TENM2: variants seen among roughly 807,000 people sequenced by gnomAD.
The protein encoded by TENM2 is teneurin-2.
A neutral mutation model predicts 245.2 loss-of-function variants in TENM2; 52 were observed. The observed-to-expected ratio is 0.21, with a 90% CI of 0.17 to 0.27. TENM2 has a LOEUF of 0.27. TENM2 is among the 10% of genes least tolerant of loss of function. The probability of loss-of-function intolerance (pLI) is 1.00; values close to 1 mark genes in which losing one functional copy is unlikely to be tolerated. For missense variants in TENM2, 3,046 were observed against 3,666.8 expected, an observed-to-expected ratio of 0.83 and a Z score of 4.37; for synonymous variants, 1,363 against 1,438.9, an observed-to-expected ratio of 0.95 and a Z score of 1.19.
chr5:167,326,042 G>A (rs1023313131), intron 1 of TENM2, among the ~76,000 whole-genome samples: 3 of 152,110 alleles, frequency 2.0e-5, no homozygotes, highest in Admixed American at 6.5e-5. Context: ...GCATGAAGTG[G>A]GGGAAGAAGC....
At chr5:167,009,953 A>T in the TENM2 span, among the ~76,000 whole-genome samples, 3 of 152,230 alleles carry the variant, frequency 2.0e-5, no homozygotes, top group Non-Finnish European at 4.4e-5. Flanking sequence ...ATATCACTGG[A>T]ATTCATCCCA....
chr5:168,061,403 T>C (rs1581191693), intron 6 of TENM2, among the ~76,000 whole-genome samples: 1 of 152,150 alleles, frequency 6.6e-6, no homozygotes, highest in African/African-American at 2.4e-5. Flanking sequence ...AAAATAGATA[T>C]TTTTGGAATT....
At chr5:167,341,664 A>G (rs1758105191) in intron 1 of TENM2, among the ~76,000 whole-genome samples, 1 of 151,834 alleles carries the variant, frequency 6.6e-6, no homozygotes, top group Non-Finnish European at 1.5e-5. Context: ...ATGAGGCTGT[A>G]GATCTCTTTT....
chr5:167,320,381 GA>G (rs576429905), intron 1 of TENM2, among the ~76,000 whole-genome samples: 168 of 152,300 alleles, frequency 1.1e-3, no homozygotes, highest in African/African-American at 3.5e-3. Context: ...GCTTATTCAG[GA>G]AAGGCCTGAA....
intron 1 of TENM2, among the ~76,000 whole-genome samples, chr5:167,358,543 TTC>T (rs1215946542): frequency 6.6e-6 from 1 of 151,924 alleles, no homozygotes; most frequent in Non-Finnish European, 1.5e-5. Flanking sequence ...CTTTACTGCT[TTC>T]TCTTCTTCAC....
chr5:167,463,750 C>T (rs988051992), intron 2 of TENM2, among the ~76,000 whole-genome samples: 1 of 152,102 alleles, frequency 6.6e-6, no homozygotes, highest in African/African-American at 2.4e-5. Context: ...CCTGCTTCGG[C>T]CCCCCAGACT....
chr5:168,084,974 G>A (rs1424522740), intron 7 of TENM2, among the ~76,000 whole-genome samples: 1 of 152,204 alleles, frequency 6.6e-6, no homozygotes, highest in Non-Finnish European at 1.5e-5. Context: ...TATGCTGGCA[G>A]CTACAACTAG....
At chr5:167,834,663 T>A (rs1485272411) in intron 2 of TENM2, among the ~76,000 whole-genome samples, 1 of 135,200 alleles carries the variant, frequency 7.4e-6, no homozygotes, top group Admixed American at 8.3e-5. Flanking sequence ...TTTTTTTTTC[T>A]TTTTGAGACG....
rs182356999 is a variant in TENM2 at position 167,829,587 on chromosome 5, G to T, written c.503-46399G>T. 7.9e-5 allele frequency among the ~76,000 whole-genome samples: 12 copies of T among 152,116 alleles called. No individual in the cohort carries two copies. In the East Asian group the frequency reaches 2.3e-3, roughly 29 times the overall value. On this transcript the variant is annotated intron_variant, in intron 2 of 28. Transcript: ENST00000518659. Reference sequence around the variant, plus strand: ...CACCTAGTAATGTTAATTATAATAGGTAATATTTATTAGGCAATTATAATG... The same window carrying T: ...CACCTAGTAATGTTAATTATAATAGTTAATATTTATTAGGCAATTATAATG...
At chr5:167,219,351 CA>C in the TENM2 span, among the ~76,000 whole-genome samples, 1 of 96,438 alleles carries the variant, frequency 1.0e-5, no homozygotes, top group Non-Finnish European at 2.0e-5. Flanking sequence ...ACCAACCAAA[CA>C]AAACAAACAA....
At chr5:167,335,852 T>C (rs989971107) in intron 1 of TENM2, among the ~76,000 whole-genome samples, 1 of 152,172 alleles carries the variant, frequency 6.6e-6, no homozygotes, top group Non-Finnish European at 1.5e-5. Context: ...ACCTTATGAA[T>C]AAAAATGCTG....
At position 168,193,596 on chromosome 5, in the gene TENM2, T is replaced by C. The variant is rs569621357; in HGVS notation, c.2781-1580T>C. Reference sequence around the variant, plus strand: ...GGCAGCACTACTCCTGTTATTCCTATGGCACACTGCAAAGCCTTCTGCTAC... The same window carrying C: ...GGCAGCACTACTCCTGTTATTCCTACGGCACACTGCAAAGCCTTCTGCTAC... On this transcript the variant is annotated intron_variant, in intron 14 of 28. Transcript: ENST00000518659. 2.6e-5 allele frequency among the ~76,000 whole-genome samples: 4 copies of C among 152,326 alleles called. No homozygotes were observed. In the East Asian group the frequency reaches 5.8e-4, roughly 22 times the overall value.
chr5:167,974,017 G>GAGGAGGGA lies in TENM2; in HGVS notation c.948-18924_948-18923insAGGGAAGG, dbSNP rs1470297346. On this transcript the variant is annotated intron_variant, in intron 4 of 28. Coordinates refer to ENST00000518659, the Ensembl canonical transcript of TENM2. The stretch of plus-strand genomic sequence containing the variant: ...GAAGGGAGAAAGGGAGGGAGGGAGG[G>GAGGAGGGA]AGGGAGGAAGGAAGGAAGGAGAAGG... Among the ~76,000 whole-genome samples, 6 of 75,850 alleles carry GAGGAGGGA rather than the reference G, an allele frequency of 7.9e-5. 1 individual carries two copies. Among genetic ancestry groups the GAGGAGGGA allele is most frequent in the African/African-American group, 5.0e-4 (6 of 11,886 alleles). The allele number at this position is 75,850 out of a possible 152,430, so 49.8% of individuals were successfully genotyped here.
chr5:168,062,193 C>T (rs1790104167), exon 7 of TENM2: 1 of 1,613,790 alleles, frequency 6.2e-7, no homozygotes, highest in South Asian at 1.1e-5. Context: ...TCTTAAAGTT[C>T]AACATCTCCC....
At chr5:167,005,407 A>G in the TENM2 span, among the ~76,000 whole-genome samples, 2 of 152,212 alleles carry the variant, frequency 1.3e-5, 1 homozygote, top group Admixed American at 1.3e-4. Context: ...GTTGACATTT[A>G]GTAATAATGA....
chr5:168,092,361 G>T (rs904195155), intron 8 of TENM2, among the ~76,000 whole-genome samples: 1 of 152,186 alleles, frequency 6.6e-6, no homozygotes, highest in African/African-American at 2.4e-5. Flanking sequence ...CTGTTTTTAT[G>T]AATAAAGTTT....
At chr5:167,071,326 T>C in the TENM2 span, among the ~76,000 whole-genome samples, 8 of 152,214 alleles carry the variant, frequency 5.3e-5, no homozygotes, top group East Asian at 1.5e-3. Context: ...ACAGACTTGA[T>C]TATAAGGACA....
At chr5:168,034,746 T>A (rs1394639457) in intron 5 of TENM2, among the ~76,000 whole-genome samples, 1 of 151,994 alleles carries the variant, frequency 6.6e-6, no homozygotes, top group Non-Finnish European at 1.5e-5. Flanking sequence ...CCCTCCAACC[T>A]GGATGACAGA....
At chr5:167,887,812 T>C (rs1287248981) in intron 3 of TENM2, among the ~76,000 whole-genome samples, 2 of 152,192 alleles carry the variant, frequency 1.3e-5, no homozygotes, top group African/African-American at 4.8e-5. Context: ...CTGAATATTA[T>C]TCTGTCACAG....
Sources: allele counts gnomAD v4.1 joint callset (sites outside exome capture counted in the v4.1 genomes callset), GRCh38; gene constraint gnomAD v4.1.1; transcripts MANE v1.5; gene names NCBI Gene and HGNC (gene_info 2026-07-23, HGNC 2026-07-21).